ANP32A: variants seen among roughly 807,000 people sequenced by gnomAD.
The protein encoded by ANP32A is acidic nuclear phosphoprotein 32 family member A, also known as acidic leucine-rich nuclear phosphoprotein 32 family member A.
A neutral mutation model predicts 33.9 loss-of-function variants in ANP32A; 1 was observed. That is an observed-to-expected ratio of 0.03 (90% CI 0.01 to 0.14). The LOEUF (loss-of-function observed/expected upper bound fraction) is 0.14. Among genes scored for constraint, ANP32A ranks in the 10% least tolerant of loss-of-function variants. The pLI, the probability that ANP32A is intolerant of heterozygous loss-of-function variation, is 1.00. For missense variants in ANP32A, 155 were observed against 306.0 expected, an observed-to-expected ratio of 0.51 and a Z score of 3.68; for synonymous variants, 115 against 120.5, an observed-to-expected ratio of 0.95 and a Z score of 0.30.
chr15:68,798,508 G>T (rs1025815976), intron 1 of ANP32A, among the ~76,000 whole-genome samples: 1 of 152,132 alleles, frequency 6.6e-6, no homozygotes, highest in East Asian at 1.9e-4. Context: ...CCTAGCAATT[G>T]ATGAAGCTGG....
At chr15:68,806,713 A>C (rs749293064) in intron 1 of ANP32A, among the ~76,000 whole-genome samples, 5 of 152,260 alleles carry the variant, frequency 3.3e-5, no homozygotes, top group African/African-American at 1.2e-4. Context: ...AAAGCTTCAC[A>C]AAGTACAGGC....
chr15:68,799,369 C>T (rs1894101591), intron 1 of ANP32A, among the ~76,000 whole-genome samples: 1 of 152,172 alleles, frequency 6.6e-6, no homozygotes, highest in African/African-American at 2.4e-5. Flanking sequence ...GTTCCATCCT[C>T]TTCATCTGGG....
intron 1 of ANP32A, 39 bp from the exon 2 acceptor site, chr15:68,787,958 T>C (rs779066353): frequency 2.5e-6 from 4 of 1,613,172 alleles, no homozygotes; most frequent in Non-Finnish European, 3.4e-6. Flanking sequence ...GGCTGAGGAA[T>C]GGGGCTGAAG....
chr15:68,808,798 T>C (rs2140372061), intron 1 of ANP32A, among the ~76,000 whole-genome samples: 2 of 152,278 alleles, frequency 1.3e-5, no homozygotes, highest in Middle Eastern at 6.8e-3. Flanking sequence ...TTCTCACGAA[T>C]TCTACAGGAG....
chr15:68,793,604 A>C (rs1894025700), intron 1 of ANP32A, among the ~76,000 whole-genome samples: 1 of 152,214 alleles, frequency 6.6e-6, no homozygotes. Context: ...GCCAGGTAGC[A>C]GGACTGGGGC....
At chr15:68,788,018 G>A (rs2140361195) in intron 1 of ANP32A, 99 bp from the exon 2 acceptor site, 1 of 1,423,572 alleles carries the variant, frequency 7.0e-7, no homozygotes, top group Non-Finnish European at 9.8e-7. Flanking sequence ...GACAGACGCA[G>A]GAAGCAGTCA....
At chr15:68,797,974 G>C (rs1039058900) in intron 1 of ANP32A, among the ~76,000 whole-genome samples, 1 of 152,232 alleles carries the variant, frequency 6.6e-6, no homozygotes, top group African/African-American at 2.4e-5. Context: ...GAATAATCTA[G>C]ATTACAGAAG....
chr15:68,819,150 G>A (rs1209292141), intron 1 of ANP32A, among the ~76,000 whole-genome samples: 1 of 152,188 alleles, frequency 6.6e-6, no homozygotes, highest in Non-Finnish European at 1.5e-5. Flanking sequence ...GGGTTTAACG[G>A]GCTAGAGGGG....
intron 1 of ANP32A, among the ~76,000 whole-genome samples, chr15:68,796,950 A>G (rs1195811778): frequency 3.3e-5 from 5 of 152,082 alleles, no homozygotes; most frequent in African/African-American, 4.8e-5. Context: ...AACGTGGCCA[A>G]TTTCATGGGT....
At chr15:68,811,491 G>A (rs1247222031) in intron 1 of ANP32A, among the ~76,000 whole-genome samples, 13 of 152,150 alleles carry the variant, frequency 8.5e-5, no homozygotes, top group Admixed American at 3.9e-4. Context: ...TGAAGAGGAC[G>A]TCCTGGCCGG....
At chr15:68,790,436 CAT>C (rs1036181727) in intron 1 of ANP32A, 16 of 152,204 alleles carry the variant, frequency 1.1e-4, no homozygotes, top group African/African-American at 3.9e-4. Context: ...TACAGATAGA[CAT>C]AGGTTTCGGA....
intron 1 of ANP32A, among the ~76,000 whole-genome samples, chr15:68,795,390 G>A (rs969976345): frequency 2.6e-4 from 39 of 152,236 alleles, no homozygotes; most frequent in African/African-American, 8.7e-4. Context: ...AGTCGGTGAC[G>A]CCATCCTTAT....
At chr15:68,811,843 TCTC>T (rs1420541645) in intron 1 of ANP32A, among the ~76,000 whole-genome samples, 6 of 151,970 alleles carry the variant, frequency 3.9e-5, no homozygotes, top group Non-Finnish European at 8.8e-5. Flanking sequence ...TTCAAGCGAT[TCTC>T]CTGCCTCAGC....
At chr15:68,806,084 C>T (rs1389233156) in intron 1 of ANP32A, among the ~76,000 whole-genome samples, 1 of 152,180 alleles carries the variant, frequency 6.6e-6, no homozygotes. Flanking sequence ...GCCACATAAC[C>T]CCTCCACAGT....
At chr15:68,813,964 G>A (rs1894346465) in intron 1 of ANP32A, among the ~76,000 whole-genome samples, 1 of 139,982 alleles carries the variant, frequency 7.1e-6, no homozygotes, top group Non-Finnish European at 1.5e-5. Flanking sequence ...CTGCCTCCCG[G>A]GTTCACGGCA....
chr15:68,805,564 T>C (rs1200312446), intron 1 of ANP32A, among the ~76,000 whole-genome samples: 1 of 152,232 alleles, frequency 6.6e-6, no homozygotes, highest in Non-Finnish European at 1.5e-5. Flanking sequence ...TGGCCGGCTA[T>C]TATACTTGTC....
intron 1 of ANP32A, among the ~76,000 whole-genome samples, chr15:68,812,220 G>A (rs1419115030): frequency 1.3e-5 from 2 of 152,232 alleles, no homozygotes; most frequent in African/African-American, 4.8e-5. Context: ...AAGTGCCACA[G>A]TTGGAAGTGG....
chr15:68,798,815 C>T (rs1485195797), intron 1 of ANP32A, among the ~76,000 whole-genome samples: 1 of 152,232 alleles, frequency 6.6e-6, no homozygotes, highest in African/African-American at 2.4e-5. Flanking sequence ...GAAACCTCGA[C>T]CTTGGCCTCC....
At chr15:68,809,466 G>A (rs1894283714) in intron 1 of ANP32A, among the ~76,000 whole-genome samples, 2 of 152,166 alleles carry the variant, frequency 1.3e-5, no homozygotes, top group Admixed American at 1.3e-4. Flanking sequence ...ATGTTTAAAT[G>A]TATCCTTTTT....
Sources: allele counts gnomAD v4.1 joint callset (sites outside exome capture counted in the v4.1 genomes callset), GRCh38; gene constraint gnomAD v4.1.1; transcripts MANE v1.5; gene names NCBI Gene and HGNC (gene_info 2026-07-23, HGNC 2026-07-21).